The following CPA6 variants were observed in gnomAD, a reference collection of about 807,000 sequenced individuals.
CPA6 encodes carboxypeptidase B.
CPA6 carries 58 observed loss-of-function variants against 63.3 expected under a neutral mutation model. That is an observed-to-expected ratio of 0.92 (90% confidence interval 0.74 to 1.14). The LOEUF (loss-of-function observed/expected upper bound fraction) is 1.14, where lower values mean the gene tolerates loss of function less well. Ranked by LOEUF, CPA6 falls within the 50% of genes most tolerant of loss-of-function variation. The pLI is 0.00. For missense variants in CPA6, 565 were observed against 526.6 expected, an observed-to-expected ratio of 1.07 and a Z score of -0.71; for synonymous variants, 185 against 179.0, an observed-to-expected ratio of 1.03 and a Z score of -0.27.
At chr8:67,703,363 A>T (rs768358482) in intron 1 of CPA6, among the ~76,000 whole-genome samples, 2 of 152,194 alleles carry the variant, frequency 1.3e-5, no homozygotes, top group Non-Finnish European at 2.9e-5. Context: ...CCTGGACAGG[A>T]GGCCAGCAAG....
chr8:67,580,631 T>C (rs997006602), intron 2 of CPA6, among the ~76,000 whole-genome samples: 1 of 152,046 alleles, frequency 6.6e-6, no homozygotes, highest in Non-Finnish European at 1.5e-5. Flanking sequence ...ATTGAGTGAG[T>C]GTACGTACAT....
At chr8:67,510,709 G>A (rs150016205) in intron 4 of CPA6, among the ~76,000 whole-genome samples, 2 of 152,272 alleles carry the variant, frequency 1.3e-5, no homozygotes, top group Non-Finnish European at 2.9e-5. Context: ...GAAAATGTAT[G>A]ATTCATTCAT....
intron 2 of CPA6, among the ~76,000 whole-genome samples, chr8:67,608,313 C>A (rs1324997134): frequency 1.3e-5 from 2 of 152,156 alleles, no homozygotes; most frequent in Admixed American, 1.3e-4. Context: ...AGCCCAAACC[C>A]CAGGCTCCAT....
chr8:67,577,197 A>T (rs1375576008), intron 2 of CPA6, among the ~76,000 whole-genome samples: 1 of 152,154 alleles, frequency 6.6e-6, no homozygotes, highest in Non-Finnish European at 1.5e-5. Context: ...AACTAATTAT[A>T]TCCCAAATTC....
Position 67,746,257 on chromosome 8 carries a change from C to A in CPA6, c.-128G>T. On this transcript the variant is annotated 5_prime_UTR_variant, in exon 1 of 11. Transcript: ENST00000297770. ...GTGGGCGAGGAAGGTTGAGAGTGAG[C>A]AAAATGTGACACTTCTCTCCAGCTA... 7.6e-6 allele frequency: 4 copies of A among 526,142 alleles called. No homozygotes were observed. Among genetic ancestry groups the A allele is most frequent in the Non-Finnish European group, 1.4e-5 (4 of 293,818 alleles). The allele number at this position is 526,142 out of a possible 1,614,324, so 32.6% of individuals were successfully genotyped here. A position where few individuals can be genotyped will look rare whatever the true frequency, so the allele number is the denominator to read the frequency against.
At chr8:67,744,101 T>C (rs986875254) in intron 1 of CPA6, among the ~76,000 whole-genome samples, 1 of 152,202 alleles carries the variant, frequency 6.6e-6, no homozygotes, top group Non-Finnish European at 1.5e-5. Flanking sequence ...CTGAGCAGCA[T>C]TTCTGTCTTT....
At chr8:67,676,511 G>T (rs1030570850) in intron 1 of CPA6, among the ~76,000 whole-genome samples, 1 of 152,206 alleles carries the variant, frequency 6.6e-6, no homozygotes, top group African/African-American at 2.4e-5. Flanking sequence ...GCTTGTGTCA[G>T]ACCACTCTGT....
intron 1 of CPA6, among the ~76,000 whole-genome samples, chr8:67,685,241 A>G (rs1816686703): frequency 6.6e-6 from 1 of 152,192 alleles, no homozygotes; most frequent in Admixed American, 6.5e-5. Flanking sequence ...TATTTTCTCT[A>G]TCTTCTGAGA....
chr8:67,558,773 C>A (rs1192891941), intron 2 of CPA6, among the ~76,000 whole-genome samples: 1 of 152,204 alleles, frequency 6.6e-6, no homozygotes, highest in Non-Finnish European at 1.5e-5. Flanking sequence ...CAGGCAAATG[C>A]ACATCACAAA....
chr8:67,636,036 T>A (rs1815461083), intron 1 of CPA6, among the ~76,000 whole-genome samples: 1 of 151,554 alleles, frequency 6.6e-6, no homozygotes. Context: ...CAGAACTGAG[T>A]CTCGATTAGC....
intron 1 of CPA6, among the ~76,000 whole-genome samples, chr8:67,689,261 T>C (rs16933514): frequency 0.022 from 2,574 of 115,138 alleles, 36 homozygotes; most frequent in Non-Finnish European, 0.029. Context: ...ACTTCAGATA[T>C]AAACTTCTTC....
intron 1 of CPA6, among the ~76,000 whole-genome samples, chr8:67,692,769 A>T (rs1816838608): frequency 6.6e-6 from 1 of 152,236 alleles, no homozygotes; most frequent in Non-Finnish European, 1.5e-5. Context: ...CCATTAAATC[A>T]TAGGTCTCTG....
At chr8:67,719,090 T>C (rs1817442016) in intron 1 of CPA6, among the ~76,000 whole-genome samples, 1 of 152,138 alleles carries the variant, frequency 6.6e-6, no homozygotes, top group South Asian at 2.1e-4. Flanking sequence ...CAAGCTAGGC[T>C]CCAAATCTAG....
intron 1 of CPA6, among the ~76,000 whole-genome samples, chr8:67,688,503 C>T (rs138615979): frequency 1.9e-4 from 29 of 152,298 alleles, no homozygotes; most frequent in African/African-American, 6.5e-4. Flanking sequence ...ACATAAACAA[C>T]CTCACAAAAT....
chr8:67,633,344 T>G (rs1815386568), intron 1 of CPA6, among the ~76,000 whole-genome samples: 1 of 152,174 alleles, frequency 6.6e-6, no homozygotes, highest in South Asian at 2.1e-4. Flanking sequence ...ATTTTTTGTT[T>G]GTTGTAGGTT....
chr8:67,434,754 C>T (rs1438695345), intron 8 of CPA6, among the ~76,000 whole-genome samples: 1 of 152,224 alleles, frequency 6.6e-6, no homozygotes, highest in Non-Finnish European at 1.5e-5. Context: ...CCTCACTGCC[C>T]AGACCAACCC....
At chr8:67,569,293 CT>C in intron 2 of CPA6, 1 of 159,894 alleles carries the variant, frequency 6.3e-6, no homozygotes, top group Non-Finnish European at 1.4e-5. Flanking sequence ...CAGCAGAAGT[CT>C]TGCAGGCCAG....
intron 8 of CPA6, among the ~76,000 whole-genome samples, chr8:67,443,588 A>C (rs554284692): frequency 6.6e-6 from 1 of 152,288 alleles, no homozygotes; most frequent in East Asian, 1.9e-4. Context: ...TGCAACCATC[A>C]CCATTATCTA....
At chr8:67,464,525 C>T (rs535948428) in intron 8 of CPA6, among the ~76,000 whole-genome samples, 1 of 152,162 alleles carries the variant, frequency 6.6e-6, no homozygotes, top group East Asian at 1.9e-4. Flanking sequence ...TTAATCAGGT[C>T]CCAATTGTCA....
Sources: gnomAD v4.1 joint callset for allele counts (sites outside exome capture counted in the v4.1 genomes callset) on GRCh38, gnomAD v4.1.1 for gene constraint, MANE v1.5 for transcripts, NCBI Gene and HGNC (gene_info 2026-07-23, HGNC 2026-07-21) for gene names.